Variants in ADAM10 observed in about 807,000 individuals in gnomAD.
ADAM10 encodes the protein disintegrin and metalloproteinase domain-containing protein 10.
A neutral mutation model predicts 90.1 loss-of-function variants in ADAM10; 17 were observed. That is an observed-to-expected ratio of 0.19 (90% CI 0.13 to 0.28). The LOEUF is 0.28. Among genes scored for constraint, ADAM10 ranks in the 10% least tolerant of loss-of-function variants. ADAM10 has a pLI of 1.00. For synonymous variants in ADAM10, 310 were observed against 298.6 expected (o/e 1.04, Z -0.40); for missense variants, 610 against 914.3 (o/e 0.67, Z 4.29).
At chr15:58,613,826 C>A (rs1895522550) in intron 11 of ADAM10, among the ~76,000 whole-genome samples, 1 of 152,102 alleles carries the variant, frequency 6.6e-6, no homozygotes, top group African/African-American at 2.4e-5. Flanking sequence ...ATTATAAGAG[C>A]TGCAGAAGGT....
chr15:58,652,521 TG>T (rs1896714523), intron 5 of ADAM10, among the ~76,000 whole-genome samples: 1 of 152,210 alleles, frequency 6.6e-6, no homozygotes, highest in African/African-American at 2.4e-5. Flanking sequence ...TGGATGTTTT[TG>T]GCACCATTGT....
intron 11 of ADAM10, among the ~76,000 whole-genome samples, chr15:58,618,620 CTAGGGACTGA>C (rs1895690264): frequency 6.6e-6 from 1 of 152,064 alleles, no homozygotes; most frequent in South Asian, 2.1e-4. Flanking sequence ...ATTCATCTGA[CTAGGGACTGA>C]TAGAATGTAC....
intron 10 of ADAM10, among the ~76,000 whole-genome samples, chr15:58,624,005 C>T (rs1320243295): frequency 1.4e-5 from 2 of 145,472 alleles, no homozygotes; most frequent in Non-Finnish European, 3.0e-5. Flanking sequence ...AAAGGGGGGG[C>T]CAGGCGAGGT....
Position 58,717,572 on chromosome 15 carries a change from C to T in ADAM10, c.206+5G>A, listed in dbSNP as rs1179520622. ...TCAGACACAGTCAGCAATAAATTTA[C>T]TTACCTTCCATGGGCATGGAAATCT... On this transcript the variant is annotated splice_donor_5th_base_variant and intron_variant, in intron 2 of 15. Coordinates refer to ENST00000260408, the MANE Select transcript of ADAM10 (RefSeq NM_001110.4). 6.2e-7 allele frequency: 1 copy of T among 1,613,792 alleles called. No individual in the cohort carries two copies.
Position 58,610,195 on chromosome 15 carries a change from T to C in ADAM10, c.2025+102A>G, listed in dbSNP as rs142765311. On this transcript the variant is annotated intron_variant, in intron 14 of 15. Transcript: ENST00000260408. ...ATCTTCATATAAAGTAATTCTAATA[T>C]AAATAGTTAAGTTGTTTTCTCGTAA... is the stretch of plus-strand genomic sequence containing the variant. The C allele has an allele frequency of 2.5e-3, 2,271 of 909,484 alleles. 36 individuals carry two copies. In the African/African-American group the frequency reaches 0.033, roughly 13 times the overall value. The allele number at this position is 909,484 out of a possible 1,614,324, so 56.3% of individuals were successfully genotyped here.
intron 9 of ADAM10, 33 bp from the exon 10 acceptor site, chr15:58,627,916 GA>G (rs768332819): frequency 3.7e-6 from 6 of 1,605,580 alleles, no homozygotes; most frequent in Non-Finnish European, 5.1e-6. Context: ...ACATAAACAG[GA>G]AGTAAAATAA....
chr15:58,635,772 A>G (rs1896233950), intron 8 of ADAM10, among the ~76,000 whole-genome samples: 1 of 148,072 alleles, frequency 6.8e-6, no homozygotes, highest in African/African-American at 2.5e-5. Context: ...AAGACTCCAC[A>G]CTTCAAATCT....
At chr15:58,621,386 T>A in intron 11 of ADAM10, 85 bp downstream of exon 11, 3 of 1,506,370 alleles carry the variant, frequency 2.0e-6, no homozygotes, top group Non-Finnish European at 2.8e-6. Context: ...ACCATATGCA[T>A]CTCTTAATCT....
At position 58,597,203 on chromosome 15, in the gene ADAM10, A is replaced by G; in HGVS notation, c.*344T>C. 1.6e-6 allele frequency: 1 copy of G among 636,992 alleles called. No homozygotes were observed. The highest frequency in any genetic ancestry group is 2.6e-6 in the Non-Finnish European group (1 of 380,818). The allele number at this position is 636,992 out of a possible 1,614,324, so 39.5% of individuals were successfully genotyped here. A position where few individuals can be genotyped will look rare whatever the true frequency, so the allele number is the denominator to read the frequency against. ...AATATATTTATTTCAATTTGTGGTA[A>G]AAGTTTATTGAGAGCCAAGTTTGCC... is the stretch of plus-strand genomic sequence containing the variant. On this transcript the variant is annotated 3_prime_UTR_variant, in exon 16 of 16. Transcript: ENST00000260408.
chr15:58,628,192 T>C (rs1285774894), intron 9 of ADAM10, among the ~76,000 whole-genome samples: 1 of 152,338 alleles, frequency 6.6e-6, no homozygotes, highest in Non-Finnish European at 1.5e-5. Flanking sequence ...CTTTTAAAAC[T>C]AGTAACAGTA....
chr15:58,712,315 G>A (rs1478995999), intron 2 of ADAM10, among the ~76,000 whole-genome samples: 1 of 151,948 alleles, frequency 6.6e-6, no homozygotes, highest in East Asian at 1.9e-4. Flanking sequence ...AGCTTTGGGA[G>A]GCCAAGGGAA....
chr15:58,738,763 T>A (rs1899509533), intron 1 of ADAM10, among the ~76,000 whole-genome samples: 1 of 152,254 alleles, frequency 6.6e-6, no homozygotes, highest in Non-Finnish European at 1.5e-5. Flanking sequence ...AATTGAAATG[T>A]GTACGTAAGA....
chr15:58,716,896 T>G (rs907072199), intron 2 of ADAM10, among the ~76,000 whole-genome samples: 1 of 151,606 alleles, frequency 6.6e-6, no homozygotes, highest in East Asian at 1.9e-4. Flanking sequence ...CCCTAACAGA[T>G]AGAGAAAAAA....
chr15:58,601,888 C>T (rs1425674488), intron 14 of ADAM10, among the ~76,000 whole-genome samples: 1 of 152,198 alleles, frequency 6.6e-6, no homozygotes, highest in Non-Finnish European at 1.5e-5. Context: ...TCAGGTCACA[C>T]ATCTTTGGTA....
chr15:58,649,590 C>T (rs1896633649), intron 5 of ADAM10, among the ~76,000 whole-genome samples: 1 of 152,154 alleles, frequency 6.6e-6, no homozygotes, highest in African/African-American at 2.4e-5. Flanking sequence ...TAGAGGATGG[C>T]AGTTTCTCTG....
chr15:58,649,659 C>T (rs1461313793), intron 5 of ADAM10, among the ~76,000 whole-genome samples: 1 of 152,170 alleles, frequency 6.6e-6, no homozygotes, highest in Non-Finnish European at 1.5e-5. Context: ...AAATGAGCTG[C>T]CATGTTTACT....
intron 12 of ADAM10, 147 bp downstream of exon 12, chr15:58,611,661 A>G: frequency 1.4e-6 from 1 of 734,680 alleles, no homozygotes; most frequent in Non-Finnish European, 2.2e-6. Context: ...TGAATGCCAC[A>G]TAATATATTC....
intron 3 of ADAM10, among the ~76,000 whole-genome samples, chr15:58,679,771 G>C (rs1259069205): frequency 2.0e-5 from 3 of 152,088 alleles, no homozygotes; most frequent in African/African-American, 4.8e-5. Context: ...AGCTGGGCCT[G>C]GTGGCACATG....
chr15:58,660,257 A>C (rs1896935793), intron 5 of ADAM10, among the ~76,000 whole-genome samples: 1 of 152,022 alleles, frequency 6.6e-6, no homozygotes, highest in African/African-American at 2.4e-5. Context: ...TGGTGCAATC[A>C]ATCATGGCTC....
Sources: gnomAD v4.1 joint callset for allele counts (sites outside exome capture counted in the v4.1 genomes callset) on GRCh38, gnomAD v4.1.1 for gene constraint, MANE v1.5 for transcripts, NCBI Gene and HGNC (gene_info 2026-07-23, HGNC 2026-07-21) for gene names.